The following ADGRL2 variants were observed in gnomAD, a reference collection of about 807,000 sequenced individuals.
ADGRL2 encodes calcium-independent alpha-latrotoxin receptor 2.
ADGRL2 carries 44 observed loss-of-function variants against 157.4 expected under a neutral mutation model. That is an observed-to-expected ratio of 0.28 (90% CI 0.22 to 0.36). The LOEUF is 0.36. ADGRL2 is among the 10% of genes least tolerant of loss of function. The pLI is 1.00. For synonymous variants in ADGRL2, 585 were observed against 624.7 expected (o/e 0.94, Z 0.95); for missense variants, 1,510 against 1,768.9 (o/e 0.85, Z 2.63).
In ADGRL2 at chr1:81,539,068, A is replaced by T. The variant is rs547135897; in HGVS notation, c.-247-41808A>T. 2.0e-5 allele frequency among the ~76,000 whole-genome samples: 3 copies of T among 152,182 alleles called. No individual in the cohort carries two copies. The East Asian group carries it at 5.8e-4, about 29-fold the overall frequency. On this transcript the variant is annotated intron_variant, in intron 2 of 24. Coordinates refer to the ADGRL2 transcript ENST00000370721. ...TTCCCTTAATATACTTTTCTGGAAA[A>T]ATCAGTGCAAAATAAAAATCTTTGT...
intron 1 of ADGRL2, among the ~76,000 whole-genome samples, chr1:81,343,598 G>A (rs1308872721): frequency 6.6e-6 from 1 of 152,142 alleles, no homozygotes; most frequent in Non-Finnish European, 1.5e-5. Context: ...GGAATTCCAA[G>A]ATCAGTGGGC....
intron 3 of ADGRL2, among the ~76,000 whole-genome samples, chr1:81,587,920 G>A (rs997326122): frequency 6.6e-6 from 1 of 152,128 alleles, no homozygotes; most frequent in Non-Finnish European, 1.5e-5. Context: ...TATCGGGTTT[G>A]GGTCAGAGTG....
Position 81,969,372 on chromosome 1 carries a change from T to G in ADGRL2, c.2718T>G (p.Asp906Glu), listed in dbSNP as rs781181117. ...AATTTATTTTCCTAATAGGCATTGA[T>G]AAGACAAAATATGCGGTAAGCACCA... ...IAEFIFLIGI[D>E]KTKYAIACPI... Residue 906 changes from aspartate to glutamate, a missense_variant, in exon 15 of 24, where the codon GAT becomes GAG. By Grantham distance (45) the Asp-to-Glu change is conservative. Transcript: ENST00000686636. 2 of 1,612,448 alleles carry G rather than the reference T, an allele frequency of 1.2e-6. No individual in the cohort carries two copies. The highest frequency in any genetic ancestry group is 1.7e-6 in the Non-Finnish European group (2 of 1,178,548).
intron 1 of ADGRL2, among the ~76,000 whole-genome samples, chr1:81,750,717 A>T (rs1384420747): frequency 6.6e-6 from 1 of 150,608 alleles, no homozygotes. Context: ...ACTCCATTTC[A>T]AAAACAAAAA....
At chr1:81,895,405 T>TC (rs2094361771) in intron 2 of ADGRL2, among the ~76,000 whole-genome samples, 1 of 147,774 alleles carries the variant, frequency 6.8e-6, no homozygotes, top group African/African-American at 2.5e-5. Context: ...TTTTTTTTTT[T>TC]TTTTTTTTTT....
chr1:81,374,456 C>T (rs1164485675), intron 1 of ADGRL2, among the ~76,000 whole-genome samples: 1 of 151,876 alleles, frequency 6.6e-6, no homozygotes, highest in Non-Finnish European at 1.5e-5. Context: ...CCTGTAATCC[C>T]AGCTACTCAG....
At chr1:81,937,377 C>A (rs1420752989) in intron 4 of ADGRL2, among the ~76,000 whole-genome samples, 3 of 151,694 alleles carry the variant, frequency 2.0e-5, no homozygotes, top group Admixed American at 2.0e-4. Flanking sequence ...TATAATATAA[C>A]CTTGCACATG....
At chr1:81,861,553 C>A (rs2093388724) in intron 2 of ADGRL2, among the ~76,000 whole-genome samples, 1 of 152,116 alleles carries the variant, frequency 6.6e-6, no homozygotes, top group Non-Finnish European at 1.5e-5. Context: ...ATGTCGGTAT[C>A]AATTATAAAC....
At chr1:81,874,513 C>A (rs1380221197) in intron 2 of ADGRL2, among the ~76,000 whole-genome samples, 3 of 152,016 alleles carry the variant, frequency 2.0e-5, no homozygotes, top group Non-Finnish European at 4.4e-5. Flanking sequence ...CAAGATAAAG[C>A]TGAAAGTGTA....
intron 2 of ADGRL2, among the ~76,000 whole-genome samples, chr1:81,548,266 A>G (rs1051537894): frequency 6.6e-6 from 1 of 152,062 alleles, no homozygotes; most frequent in East Asian, 1.9e-4. Context: ...ACAATCAACT[A>G]AATTGATTTC....
At chr1:81,744,709 T>A (rs184048730) in intron 1 of ADGRL2, among the ~76,000 whole-genome samples, 2 of 152,240 alleles carry the variant, frequency 1.3e-5, no homozygotes, top group African/African-American at 4.8e-5. Context: ...TGCCTCTTAT[T>A]ACAAGGGACA....
Position 81,509,305 on chromosome 1 carries a change from A to C in ADGRL2, c.-248+64216A>C, listed in dbSNP as rs567480200. ...CAATGTAGCCCTCATTCTGCTCAAGACATACTGTCTTCCATTCGTGGAAAA... is the reference window on the plus strand; with the variant it reads ...CAATGTAGCCCTCATTCTGCTCAAGCCATACTGTCTTCCATTCGTGGAAAA... On this transcript the variant is annotated intron_variant, in intron 2 of 24. Coordinates refer to the ADGRL2 transcript ENST00000370721. Among the ~76,000 whole-genome samples, 3 of 152,166 alleles carry C rather than the reference A, an allele frequency of 2.0e-5. No homozygotes were observed. The East Asian group carries it at 5.8e-4, about 29-fold the overall frequency.
chr1:81,497,479 G>C (rs896887493), intron 2 of ADGRL2, among the ~76,000 whole-genome samples: 38 of 151,990 alleles, frequency 2.5e-4, no homozygotes, highest in African/African-American at 8.7e-4. Context: ...TATATGAGGA[G>C]ATGAAATAAG....
intron 2 of ADGRL2, among the ~76,000 whole-genome samples, chr1:81,551,452 A>G (rs2080144134): frequency 6.6e-6 from 1 of 152,224 alleles, no homozygotes; most frequent in African/African-American, 2.4e-5. Context: ...AAGTGAACAA[A>G]TGATTGTGGA....
chr1:81,871,884 C>G (rs2093705319), intron 2 of ADGRL2, among the ~76,000 whole-genome samples: 1 of 152,120 alleles, frequency 6.6e-6, no homozygotes, highest in Non-Finnish European at 1.5e-5. Flanking sequence ...TGTAGGTTGC[C>G]TGTTCACTCT....
intron 1 of ADGRL2, among the ~76,000 whole-genome samples, chr1:81,748,104 A>G (rs1402671935): frequency 2.0e-5 from 3 of 152,140 alleles, no homozygotes; most frequent in Non-Finnish European, 4.4e-5. Context: ...AATAGTATCA[A>G]TTCTTTATAT....
intron 2 of ADGRL2, among the ~76,000 whole-genome samples, chr1:81,476,861 A>G (rs938948782): frequency 1.3e-5 from 2 of 152,082 alleles, no homozygotes; most frequent in Non-Finnish European, 2.9e-5. Context: ...GCCATTCCAA[A>G]TGCTTATCTT....
chr1:81,751,593 T>G (rs1476081857), intron 1 of ADGRL2, among the ~76,000 whole-genome samples: 2 of 152,222 alleles, frequency 1.3e-5, no homozygotes, highest in Admixed American at 6.5e-5. Flanking sequence ...TAATTAAATT[T>G]AATGCTTGAT....
chr1:81,816,387 G>A (rs979057919), intron 1 of ADGRL2, among the ~76,000 whole-genome samples: 1 of 151,564 alleles, frequency 6.6e-6, no homozygotes, highest in African/African-American at 2.4e-5. Context: ...TTTTTATTTT[G>A]TATATTGCTT....
Sources: allele counts gnomAD v4.1 joint callset (sites outside exome capture counted in the v4.1 genomes callset), GRCh38; gene constraint gnomAD v4.1.1; transcripts MANE v1.5; gene names NCBI Gene and HGNC (gene_info 2026-07-23, HGNC 2026-07-21).